SLC4A5: variants seen among roughly 807,000 people sequenced by gnomAD.
SLC4A5 encodes the protein solute carrier family 4 member 5.
Under a neutral mutation model 120.4 loss-of-function variants are expected in SLC4A5, and 96 were observed. That is an observed-to-expected ratio of 0.80 (90% confidence interval 0.68 to 0.94). The LOEUF (loss-of-function observed/expected upper bound fraction) is 0.94. Ranked by LOEUF, SLC4A5 falls within the 40% of genes least tolerant of loss-of-function variation. The pLI, the probability that SLC4A5 is intolerant of heterozygous loss-of-function variation, is 0.00. For synonymous variants in SLC4A5, 550 were observed against 571.1 expected, an observed-to-expected ratio of 0.96 and a Z score of 0.53; for missense variants, 1,259 against 1,459.5, an observed-to-expected ratio of 0.86 and a Z score of 2.24.
At chr2:74,283,019 T>TG (rs1331964858) in intron 8 of SLC4A5, among the ~76,000 whole-genome samples, 1 of 152,188 alleles carries the variant, frequency 6.6e-6, no homozygotes, top group East Asian at 1.9e-4. Flanking sequence ...CTGTCAATCT[T>TG]GGATAGGCAT....
At chr2:74,324,112 G>C (rs1673158049) in intron 5 of SLC4A5, among the ~76,000 whole-genome samples, 1 of 152,162 alleles carries the variant, frequency 6.6e-6, no homozygotes, top group African/African-American at 2.4e-5. Flanking sequence ...CCTACTTTAT[G>C]TGATAATTGT....
Position 74,227,671 on chromosome 2 carries a change from T to G in SLC4A5, c.2916+139A>C, listed in dbSNP as rs1210588564. 5 of 1,134,490 alleles carry G rather than the reference T, an allele frequency of 4.4e-6. No individual in the cohort carries two copies. In the East Asian group the frequency reaches 1.3e-4, roughly 30 times the overall value. 70.3% of individuals were successfully genotyped at this position (1,134,490 alleles called of 1,614,324 possible). On this transcript the variant is annotated intron_variant, in intron 26 of 30. Transcript: ENST00000394019. ...CTGATAGCATCAGTAAGTGGTAGTA[T>G]CATTATTACTATTATTCTTTCATTG...
intron 2 of SLC4A5, among the ~76,000 whole-genome samples, chr2:74,341,131 C>G (rs567013205): frequency 3.5e-4 from 53 of 151,964 alleles, no homozygotes; most frequent in African/African-American, 1.3e-3. Flanking sequence ...ATGGTGAAAC[C>G]CCATCTCTAC....
intron 7 of SLC4A5, among the ~76,000 whole-genome samples, chr2:74,288,266 A>G (rs72903226): frequency 0.039 from 5,886 of 152,176 alleles, 367 homozygotes; most frequent in African/African-American, 0.13. Context: ...AGGTAAACAT[A>G]TGCTTTTTAG....
In SLC4A5 at chr2:74,248,869, C is replaced by T. The variant is rs1053906157; in HGVS notation, c.1654-383G>A. ...TCAGATCATTCATTTATTCAAAGTC[C>T]GCTGAGTGTCTGCTGTGTACCAGGC... On this transcript the variant is annotated intron_variant, in intron 17 of 30. Coordinates refer to ENST00000394019, the Ensembl canonical transcript of SLC4A5. 5.9e-5 allele frequency among the ~76,000 whole-genome samples: 9 copies of T among 152,290 alleles called. No individual in the cohort carries two copies. In the South Asian group the frequency reaches 6.2e-4, roughly 11 times the overall value.
At chr2:74,239,258 G>A (rs1670360135) in intron 21 of SLC4A5, 77 bp downstream of exon 21, 17 of 1,403,530 alleles carry the variant, frequency 1.2e-5, no homozygotes, top group South Asian at 7.1e-5. Flanking sequence ...CCATCCTGTC[G>A]GTGGACCAGA....
chr2:74,327,931 G>T (rs974474958), intron 5 of SLC4A5, among the ~76,000 whole-genome samples, 189 bp downstream of exon 5: 1 of 152,176 alleles, frequency 6.6e-6, no homozygotes, highest in Non-Finnish European at 1.5e-5. Context: ...GATAAAAACA[G>T]TATAATTTTT....
intron 3 of SLC4A5, among the ~76,000 whole-genome samples, chr2:74,334,614 A>G (rs1673439360): frequency 6.6e-6 from 1 of 152,188 alleles, no homozygotes; most frequent in East Asian, 1.9e-4. Context: ...CTGTTCCTCC[A>G]ATATGGCAGA....
chr2:74,264,018 G>T, intron 10 of SLC4A5, 129 bp downstream of exon 10: 2 of 1,239,004 alleles, frequency 1.6e-6, no homozygotes, highest in Non-Finnish European at 2.2e-6. Flanking sequence ...CAGAGAAGGA[G>T]GCTGAGGGAT....
At chr2:74,220,726 C>T (rs990224742) in intron 30 of SLC4A5, among the ~76,000 whole-genome samples, 1 of 150,688 alleles carries the variant, frequency 6.6e-6, no homozygotes, top group African/African-American at 2.5e-5. Context: ...CCATGTTAGC[C>T]AGGATGGTCT....
chr2:74,222,797 A>G (rs1694698047), intron 29 of SLC4A5, 71 bp downstream of exon 29: 26 of 1,353,328 alleles, frequency 1.9e-5, no homozygotes, highest in Non-Finnish European at 2.3e-5. Flanking sequence ...TGAGTTACAG[A>G]TGAAAGTTCC....
At chr2:74,252,448 C>T in intron 15 of SLC4A5, 60 bp from the exon 16 acceptor site, 2 of 1,556,332 alleles carry the variant, frequency 1.3e-6, no homozygotes, top group South Asian at 2.3e-5. Flanking sequence ...ACCTCTCCAA[C>T]CAAAATTATG....
At chr2:74,233,089 T>C (rs1289366731) in intron 23 of SLC4A5, among the ~76,000 whole-genome samples, 3 of 152,184 alleles carry the variant, frequency 2.0e-5, no homozygotes, top group Non-Finnish European at 2.9e-5. Flanking sequence ...TGCCTCAGTG[T>C]TCTAGGCTGA....
chr2:74,264,110 G>A (rs760431699), intron 10 of SLC4A5, 37 bp downstream of exon 10: 2 of 1,601,358 alleles, frequency 1.2e-6, no homozygotes, highest in Admixed American at 3.4e-5. Flanking sequence ...TACTGGCCCT[G>A]CATGTCCCAT....
At chr2:74,287,305 G>C (rs1672014610) in intron 7 of SLC4A5, among the ~76,000 whole-genome samples, 1 of 152,180 alleles carries the variant, frequency 6.6e-6, no homozygotes, top group Non-Finnish European at 1.5e-5. Flanking sequence ...TGAGGGCTTG[G>C]GCTGGGGGAT....
At chr2:74,291,095 A>T (rs1432707213) in intron 7 of SLC4A5, among the ~76,000 whole-genome samples, 1 of 152,070 alleles carries the variant, frequency 6.6e-6, no homozygotes, top group African/African-American at 2.4e-5. Context: ...ATAATGTGCT[A>T]TGTAGCTGGT....
At chr2:74,338,130 T>C (rs1673539481) in intron 3 of SLC4A5, among the ~76,000 whole-genome samples, 1 of 152,128 alleles carries the variant, frequency 6.6e-6, no homozygotes, top group Non-Finnish European at 1.5e-5. Context: ...TTGAATTTAA[T>C]ATTTCAGAGA....
intron 7 of SLC4A5, chr2:74,290,321 C>T (rs1672117410): frequency 5.1e-6 from 5 of 985,408 alleles, no homozygotes; most frequent in South Asian, 4.7e-5. Flanking sequence ...TCCGCTGCTG[C>T]CTCCCTGGCT....
intron 8 of SLC4A5, among the ~76,000 whole-genome samples, chr2:74,271,886 C>T (rs1437281255): frequency 1.3e-5 from 2 of 151,854 alleles, no homozygotes; most frequent in Non-Finnish European, 2.9e-5. Context: ...TTGCTTGAGA[C>T]CTGCCTGAGA....
Sources: gnomAD v4.1 joint callset for allele counts (sites outside exome capture counted in the v4.1 genomes callset) on GRCh38, gnomAD v4.1.1 for gene constraint, MANE v1.5 for transcripts, NCBI Gene and HGNC (gene_info 2026-07-23, HGNC 2026-07-21) for gene names.